The following ANKRD44 variants were observed in gnomAD, a reference collection of about 807,000 sequenced individuals.
The protein encoded by ANKRD44 is serine/threonine-protein phosphatase 6 regulatory ankyrin repeat subunit B.
A neutral mutation model predicts 116.0 loss-of-function variants in ANKRD44; 35 were observed. The observed-to-expected ratio is 0.30, with a 90% confidence interval of 0.23 to 0.40. ANKRD44 has a LOEUF of 0.40. ANKRD44 is among the 10% of genes least tolerant of loss of function. The pLI, the probability that ANKRD44 is intolerant of heterozygous loss-of-function variation, is 1.00. For missense variants in ANKRD44, 1,014 were observed against 1,242.6 expected (o/e 0.82, Z 2.77); for synonymous variants, 435 against 461.8 (o/e 0.94, Z 0.74).
intron 2 of ANKRD44, among the ~76,000 whole-genome samples, chr2:197,185,606 A>G (rs142329846): frequency 1.9e-3 from 287 of 152,346 alleles, no homozygotes; most frequent in Non-Finnish European, 3.0e-3. Context: ...CTAGGAAACT[A>G]CTAAAAGGGT....
chr2:197,179,370 T>C (rs1262007144), intron 2 of ANKRD44, among the ~76,000 whole-genome samples: 1 of 152,220 alleles, frequency 6.6e-6, no homozygotes, highest in Non-Finnish European at 1.5e-5. Flanking sequence ...AATTTATACA[T>C]TAATTTCAAA....
chr2:197,184,623 G>C (rs1438491441), intron 2 of ANKRD44, among the ~76,000 whole-genome samples: 1 of 133,604 alleles, frequency 7.5e-6, no homozygotes, highest in Non-Finnish European at 1.6e-5. Flanking sequence ...CTGGGCAGCT[G>C]AGCGAGACTC....
At chr2:197,000,581 T>C (rs2076097074) in intron 22 of ANKRD44, 79 bp from the exon 23 acceptor site, 1 of 1,121,386 alleles carries the variant, frequency 8.9e-7, no homozygotes, top group Non-Finnish European at 1.3e-6. Flanking sequence ...TCCTATGTAC[T>C]GTATATTTGA....
chr2:197,278,426 G>C (rs552147484), intron 1 of ANKRD44, among the ~76,000 whole-genome samples: 3 of 151,314 alleles, frequency 2.0e-5, no homozygotes, highest in Non-Finnish European at 4.4e-5. Flanking sequence ...GTGTGATCTC[G>C]GCTCACTGCA....
At chr2:197,173,056 AACCAAATT>A (rs958479358) in intron 2 of ANKRD44, among the ~76,000 whole-genome samples, 2 of 152,252 alleles carry the variant, frequency 1.3e-5, no homozygotes, top group African/African-American at 4.8e-5. Flanking sequence ...GAAATATGCT[AACCAAATT>A]TATTAGTTTG....
chr2:197,235,400 G>A (rs1486805781), intron 1 of ANKRD44, among the ~76,000 whole-genome samples: 1 of 152,090 alleles, frequency 6.6e-6, no homozygotes, highest in African/African-American at 2.4e-5. Flanking sequence ...CAGATCACTT[G>A]AGGCCAGGAG....
At chr2:197,186,615 T>TTTTTTTTTTTTG (rs2080674332) in intron 2 of ANKRD44, among the ~76,000 whole-genome samples, 1 of 10,098 alleles carries the variant, frequency 9.9e-5, no homozygotes, top group Non-Finnish European at 1.9e-4. Flanking sequence ...AATTTTTCTT[T>TTTTTTTTTTTTG]TTTTTTTTTT....
intron 16 of ANKRD44, among the ~76,000 whole-genome samples, chr2:197,045,103 TTC>T (rs1045100839): frequency 6.6e-6 from 1 of 151,890 alleles, no homozygotes; most frequent in African/African-American, 2.4e-5. Context: ...TTTTTTTTTT[TTC>T]CTTTTCTATT....
At position 197,009,024 on chromosome 2, in the gene ANKRD44, A is replaced by G. The variant is rs984094677; in HGVS notation, c.1932T>C (p.Asn644=). 3 of 1,613,904 alleles carry G rather than the reference A, an allele frequency of 1.9e-6. No individual in the cohort carries two copies. Among genetic ancestry groups the G allele is most frequent in the Middle Eastern group, 1.7e-4 (1 of 6,060 alleles). Residue 644 remains asparagine, a synonymous_variant, in exon 19 of 28, where the codon AAT becomes AAC. Coordinates refer to ENST00000282272, the MANE Select transcript of ANKRD44 (RefSeq NM_001195144.2). ...KRTPLHASVI[N]GHTLCLRLLL... is the part of the protein sequence containing the mutation. ...ACAGCCGTAAACACAGTGTGTGACC[A>G]TTAATTACTGAAAAAGAAAACAGTG...
intron 1 of ANKRD44, among the ~76,000 whole-genome samples, chr2:197,211,668 G>A (rs896864721): frequency 3.9e-5 from 6 of 151,926 alleles, no homozygotes; most frequent in East Asian, 1.9e-4. Flanking sequence ...GTACCACCTC[G>A]AGGGGCACAA....
Position 197,147,058 on chromosome 2 carries a change from A to G in ANKRD44, c.159T>C (p.Asp53=). ...AAATCAGGAGTTCAATGATCTCTGC[A>G]TCTCCCAGAAATGCGGCCACATGAA... is the stretch of plus-strand genomic sequence containing the variant. ...TPLHVAAFLG[D]AEIIELLILS... The change falls in exon 3 of 28, where the codon GAT becomes GAC. Residue 53 remains aspartate (D), a synonymous_variant. Transcript: ENST00000282272. The G allele has an allele frequency of 6.2e-7, 1 of 1,613,888 alleles. No individual in the cohort carries two copies.
At chr2:197,095,036 C>G (rs1173392313) in intron 10 of ANKRD44, among the ~76,000 whole-genome samples, 1 of 152,244 alleles carries the variant, frequency 6.6e-6, no homozygotes, top group African/African-American at 2.4e-5. Context: ...ACCTGAAACT[C>G]TCTTATCTTT....
intron 26 of ANKRD44, 53 bp downstream of exon 26, chr2:196,995,326 G>T (rs1285314058): frequency 7.4e-7 from 1 of 1,343,790 alleles, no homozygotes; most frequent in South Asian, 1.2e-5. Flanking sequence ...AATACTTATT[G>T]AATAAATGAC....
At chr2:197,177,349 G>A (rs954495410) in intron 2 of ANKRD44, among the ~76,000 whole-genome samples, 11 of 152,106 alleles carry the variant, frequency 7.2e-5, no homozygotes, top group Non-Finnish European at 1.3e-4. Flanking sequence ...CTACTAAGAT[G>A]GCAACAGGTC....
chr2:197,273,954 C>T, intron 1 of ANKRD44, among the ~76,000 whole-genome samples: 1 of 35,636 alleles, frequency 2.8e-5, no homozygotes, highest in Non-Finnish European at 6.0e-5. Context: ...GCTAGTCAAC[C>T]AACCACAAAA....
At chr2:196,970,386 G>A (rs762137415) in intron 21 of ANKRD44, among the ~76,000 whole-genome samples, 10 of 152,112 alleles carry the variant, frequency 6.6e-5, no homozygotes, top group South Asian at 2.1e-4. Flanking sequence ...TCAAATCTCC[G>A]TGTTTTACAG....
chr2:197,126,964 G>T (rs2078990921), intron 4 of ANKRD44, among the ~76,000 whole-genome samples: 1 of 151,816 alleles, frequency 6.6e-6, no homozygotes. Flanking sequence ...CTCCGGCCTG[G>T]GCAACAGAGC....
At chr2:197,268,955 C>T (rs770381780) in intron 1 of ANKRD44, among the ~76,000 whole-genome samples, 11 of 152,022 alleles carry the variant, frequency 7.2e-5, no homozygotes, top group Non-Finnish European at 1.3e-4. Context: ...GGATGTATCT[C>T]GTGGAACCTT....
At chr2:197,291,685 A>T (rs189184568) in intron 1 of ANKRD44, among the ~76,000 whole-genome samples, 32 of 152,226 alleles carry the variant, frequency 2.1e-4, no homozygotes, top group African/African-American at 6.3e-4. Context: ...TATTTTTTTT[A>T]AATTATACTT....
Sources: gnomAD v4.1 joint callset for allele counts (sites outside exome capture counted in the v4.1 genomes callset) on GRCh38, gnomAD v4.1.1 for gene constraint, MANE v1.5 for transcripts, NCBI Gene and HGNC (gene_info 2026-07-23, HGNC 2026-07-21) for gene names.